Variants in PCCA observed in about 807,000 individuals in gnomAD.
PCCA encodes the protein propionyl-CoA carboxylase alpha chain, mitochondrial.
Under a neutral mutation model 101.3 loss-of-function variants are expected in PCCA, and 74 were observed. That is an observed-to-expected ratio of 0.73 (90% CI 0.61 to 0.89). PCCA has a LOEUF of 0.89. Ranked by LOEUF, PCCA falls within the 40% of genes least tolerant of loss-of-function variation. The probability of loss-of-function intolerance (pLI) is 0.00; values close to 1 mark genes in which losing one functional copy is unlikely to be tolerated. For missense variants in PCCA, 891 were observed against 907.0 expected (o/e 0.98, Z 0.23); for synonymous variants, 294 against 313.6 (o/e 0.94, Z 0.66).
intron 4 of PCCA, among the ~76,000 whole-genome samples, chr13:100,129,568 GC>G (rs1382391186): frequency 6.6e-6 from 1 of 151,906 alleles, no homozygotes; most frequent in East Asian, 1.9e-4. Flanking sequence ...TTTTGTGGGT[GC>G]CCCCCCGCCG....
At position 100,276,213 on chromosome 13, in the gene PCCA, C is replaced by CAAAAA. The variant is rs59671834; in HGVS notation, c.1065+2894_1065+2898dup. Among the ~76,000 whole-genome samples the CAAAAA allele has an allele frequency of 6.9e-3, 698 of 101,822 alleles. 20 individuals are homozygous for CAAAAA. Among genetic ancestry groups the CAAAAA allele is most frequent in the East Asian group, 0.03 (122 of 4,028 alleles). The allele number at this position is 101,822 out of a possible 152,430, so 66.8% of individuals were successfully genotyped here. On this transcript the variant is annotated intron_variant, in intron 12 of 23. Transcript: ENST00000376285. ...TAACATAGTGAGAACTTGTCTGTAC[C>CAAAAA]AAAAAAAAAAAAAAAAAAAAAAAAA...
rs145611788 is a variant in PCCA, at chr13:100,154,549, C to T, written c.301-430C>T. On this transcript the variant is annotated intron_variant, in intron 4 of 23. Transcript: ENST00000376285. ...GCTGTGCAGGGACACTCACTGCATC[C>T]CTCCATTCAGTCCCTCTAATTATCC... The T allele has an allele frequency of 4.7e-4, 121 of 259,732 alleles. No homozygotes were observed. The Middle Eastern group carries it at 7.4e-3, about 16-fold the overall frequency. 16.1% of individuals were successfully genotyped at this position (259,732 alleles called of 1,614,324 possible).
At chr13:100,334,485 C>T (rs1413292026) in intron 17 of PCCA, among the ~76,000 whole-genome samples, 3 of 152,256 alleles carry the variant, frequency 2.0e-5, no homozygotes, top group African/African-American at 7.2e-5. Flanking sequence ...CTAGAAGACT[C>T]ACTAAGGACA....
chr13:100,170,836 T>C (rs190163341), intron 6 of PCCA, among the ~76,000 whole-genome samples: 90 of 152,346 alleles, frequency 5.9e-4, no homozygotes, highest in Admixed American at 1.8e-3. Context: ...CATATTTACA[T>C]AATCTATACA....
chr13:100,098,700 GC>G, intron 1 of PCCA, among the ~76,000 whole-genome samples: 1 of 152,310 alleles, frequency 6.6e-6, no homozygotes, highest in East Asian at 1.9e-4. Flanking sequence ...GGATGATGGA[GC>G]TCTAGAGTTG....
chr13:100,286,520 C>A (rs542072035), intron 12 of PCCA, among the ~76,000 whole-genome samples: 1 of 152,140 alleles, frequency 6.6e-6, no homozygotes, highest in African/African-American at 2.4e-5. Context: ...GGTTGCTTTA[C>A]GAGGAACTTA....
chr13:100,448,335 G>A (rs550629859), intron 20 of PCCA, among the ~76,000 whole-genome samples: 11 of 152,150 alleles, frequency 7.2e-5, no homozygotes, highest in Non-Finnish European at 1.5e-4. Context: ...TGGGACTACA[G>A]GTGTGCACCA....
rs191057446 is a variant in PCCA at position 100,214,343 on chromosome 13, A to G, written c.600+4880A>G. 3.3e-3 allele frequency among the ~76,000 whole-genome samples: 500 copies of G among 151,938 alleles called. 8 individuals carry two copies. Among genetic ancestry groups the G allele is most frequent in the Admixed American group, 4.6e-3 (70 of 15,250 alleles). On this transcript the variant is annotated intron_variant, in intron 7 of 23. Transcript: ENST00000376285. ...TTAACAATATTGATTCTTCCAACCC[A>G]TGAATGTAGAATCTCTTTGCATCTT... is the stretch of plus-strand genomic sequence containing the variant.
rs374198502 is a variant in PCCA at position 100,219,012 on chromosome 13, AAG to A, written c.600+9552_600+9553del. Among the ~76,000 whole-genome samples, 438 of 152,282 alleles carry A rather than the reference AAG, an allele frequency of 2.9e-3. 3 individuals are homozygous for A. Among genetic ancestry groups the A allele is most frequent in the African/African-American group, 9.7e-3 (404 of 41,560 alleles). Reference sequence around the variant, plus strand: ...GGACATAATTCTGCCAACTACCTGAAAGAGCTTGGCAGCAAATTTCTCCCCAT... The same window carrying A: ...GGACATAATTCTGCCAACTACCTGAAAGCTTGGCAGCAAATTTCTCCCCAT... On this transcript the variant is annotated intron_variant, in intron 7 of 23. Transcript: ENST00000376285.
intron 8 of PCCA, chr13:100,236,848 C>T (rs539838719): frequency 6.6e-6 from 1 of 152,252 alleles, no homozygotes; most frequent in African/African-American, 2.4e-5. Context: ...TAAGGGCATG[C>T]TATTATATGG....
intron 18 of PCCA, among the ~76,000 whole-genome samples, chr13:100,364,492 A>C (rs116613350): frequency 6.6e-6 from 1 of 152,152 alleles, no homozygotes; most frequent in Non-Finnish European, 1.5e-5. Context: ...TGTATTTTTT[A>C]AAATTTATAG....
chr13:100,268,196 T>A (rs1325673962), intron 10 of PCCA, among the ~76,000 whole-genome samples: 1 of 152,182 alleles, frequency 6.6e-6, no homozygotes, highest in Non-Finnish European at 1.5e-5. Flanking sequence ...CTTTAGCAGT[T>A]TCCTAGAACA....
At chr13:100,414,722 T>C (rs1027186752) in intron 19 of PCCA, among the ~76,000 whole-genome samples, 1 of 152,230 alleles carries the variant, frequency 6.6e-6, no homozygotes, top group Non-Finnish European at 1.5e-5. Flanking sequence ...TGTCACAGTG[T>C]AATTAACTGC....
At chr13:100,325,008 A>G (rs577408010) in intron 16 of PCCA, among the ~76,000 whole-genome samples, 1 of 152,312 alleles carries the variant, frequency 6.6e-6, no homozygotes, top group South Asian at 2.1e-4. Flanking sequence ...ATTACGAGAA[A>G]AAGTTGAATT....
At chr13:100,381,913 G>A (rs1463983486) in intron 19 of PCCA, among the ~76,000 whole-genome samples, 2 of 152,236 alleles carry the variant, frequency 1.3e-5, no homozygotes, top group African/African-American at 4.8e-5. Flanking sequence ...GCCAGCAGGA[G>A]CGAACTCTGT....
intron 12 of PCCA, among the ~76,000 whole-genome samples, chr13:100,282,726 T>C (rs1182014711): frequency 6.6e-6 from 1 of 152,186 alleles, no homozygotes; most frequent in Non-Finnish European, 1.5e-5. Context: ...ACCTTTTCTG[T>C]AAGAGGGAAG....
intron 18 of PCCA, among the ~76,000 whole-genome samples, chr13:100,361,330 C>T (rs1309152737): frequency 6.6e-6 from 1 of 152,088 alleles, no homozygotes; most frequent in Non-Finnish European, 1.5e-5. Flanking sequence ...GTAACAAATA[C>T]ACCATACAAA....
At chr13:100,345,922 G>A (rs2072133154) in intron 18 of PCCA, among the ~76,000 whole-genome samples, 1 of 151,460 alleles carries the variant, frequency 6.6e-6, no homozygotes, top group South Asian at 2.1e-4. Context: ...ATGACAAAAT[G>A]TACATTTACA....
intron 19 of PCCA, among the ~76,000 whole-genome samples, chr13:100,391,505 G>A (rs1317395358): frequency 7.9e-5 from 12 of 152,192 alleles, no homozygotes; most frequent in Non-Finnish European, 1.5e-4. Flanking sequence ...AAGTCGTGGA[G>A]CAGGAGTTGA....
Sources: gnomAD v4.1 joint callset for allele counts (sites outside exome capture counted in the v4.1 genomes callset) on GRCh38, gnomAD v4.1.1 for gene constraint, MANE v1.5 for transcripts, NCBI Gene and HGNC (gene_info 2026-07-23, HGNC 2026-07-21) for gene names.